Variants in SETBP1 observed in about 807,000 individuals in gnomAD.
SETBP1 encodes SET binding protein 1, also known as SET-binding protein.
A neutral mutation model predicts 101.0 loss-of-function variants in SETBP1; 9 were observed. The observed-to-expected ratio is 0.09, with a 90% CI of 0.05 to 0.16. SETBP1 has a LOEUF of 0.16. Ranked by LOEUF, SETBP1 falls within the 10% of genes least tolerant of loss-of-function variation. The pLI is 1.00. For synonymous variants in SETBP1, 818 were observed against 788.5 expected, an observed-to-expected ratio of 1.04 and a Z score of -0.63; for missense variants, 1,858 against 2,033.8, an observed-to-expected ratio of 0.91 and a Z score of 1.66.
At position 44,950,009 on chromosome 18, in the gene SETBP1, C is replaced by A; in HGVS notation, c.669C>A (p.Ser223=). Residue 223 remains serine (S), a synonymous_variant, in exon 4 of 6, where the codon TCC becomes TCA. Coordinates refer to ENST00000649279, the MANE Select transcript of SETBP1 (RefSeq NM_015559.3). The stretch of plus-strand genomic sequence containing the variant: ...GCAGCCAGAACCACATGGACTGGTC[C>A]ACCAACTCTGACAGCGGACCCGTCA... ...KSSSQNHMDW[S]TNSDSGPVTQ... 1 of 1,614,170 alleles carries A rather than the reference C, an allele frequency of 6.2e-7. No individual in the cohort carries two copies. Among genetic ancestry groups the A allele is most frequent in the Non-Finnish European group, 8.5e-7 (1 of 1,180,012 alleles).
At chr18:44,949,836 T>TTC in intron 3 of SETBP1, 45 bp from the exon 4 acceptor site, 2 of 1,451,954 alleles carry the variant, frequency 1.4e-6, no homozygotes, top group South Asian at 1.1e-5. Flanking sequence ...TCATCTTTGT[T>TTC]TCTCTCTCTC....
At chr18:44,805,791 G>A (rs1337281107) in intron 2 of SETBP1, among the ~76,000 whole-genome samples, 1 of 152,024 alleles carries the variant, frequency 6.6e-6, no homozygotes, top group Non-Finnish European at 1.5e-5. Flanking sequence ...CTTTGGTTTG[G>A]GCATCCAAAG....
chr18:45,013,152 T>A (rs2072873453), intron 4 of SETBP1, among the ~76,000 whole-genome samples: 1 of 152,118 alleles, frequency 6.6e-6, no homozygotes, highest in Non-Finnish European at 1.5e-5. Context: ...GGATGCTGAG[T>A]CTGTGCCAGC....
chr18:44,985,582 T>C (rs1219900431), intron 4 of SETBP1, among the ~76,000 whole-genome samples: 1 of 152,218 alleles, frequency 6.6e-6, no homozygotes, highest in Non-Finnish European at 1.5e-5. Flanking sequence ...GTTACTTGAG[T>C]AATGATTCTT....
chr18:44,902,832 A>G (rs1330266250), intron 3 of SETBP1, among the ~76,000 whole-genome samples: 5 of 152,158 alleles, frequency 3.3e-5, no homozygotes, highest in Non-Finnish European at 7.3e-5. Context: ...AAATGAAAAT[A>G]TGGATCTCAA....
At chr18:44,730,119 T>A (rs1457866485) in intron 2 of SETBP1, among the ~76,000 whole-genome samples, 1 of 152,228 alleles carries the variant, frequency 6.6e-6, no homozygotes, top group Non-Finnish European at 1.5e-5. Context: ...GCCCTTGTTA[T>A]ATGGGTAGCA....
chr18:44,861,224 C>CTTTTTT, intron 2 of SETBP1, among the ~76,000 whole-genome samples: 1 of 105,928 alleles, frequency 9.4e-6, no homozygotes, highest in Non-Finnish European at 2.0e-5. Context: ...TTTCCTTTTT[C>CTTTTTT]TTTTCTTTTT....
At chr18:44,906,654 T>C (rs1017699642) in intron 3 of SETBP1, among the ~76,000 whole-genome samples, 4 of 152,140 alleles carry the variant, frequency 2.6e-5, no homozygotes, top group African/African-American at 9.7e-5. Flanking sequence ...CTGGAAGGTA[T>C]ATTAAATGAC....
chr18:44,862,509 G>A lies in SETBP1; in HGVS notation c.487-6721G>A, dbSNP rs529951839. Among the ~76,000 whole-genome samples the A allele has an allele frequency of 3.3e-5, 5 of 152,244 alleles. No homozygotes were observed. The South Asian group carries it at 6.2e-4, about 19-fold the overall frequency. ...CACCCCCGCGGTCTCTACACTACCC[G>A]TCCACTGCCACCCCCACCCCAATGC... On this transcript the variant is annotated intron_variant, in intron 2 of 5. Transcript: ENST00000649279.
chr18:44,932,403 G>C (rs1715654508), intron 3 of SETBP1, among the ~76,000 whole-genome samples: 1 of 152,296 alleles, frequency 6.6e-6, no homozygotes, highest in South Asian at 2.1e-4. Flanking sequence ...AGGTGAATCT[G>C]ACAATTATGT....
intron 2 of SETBP1, among the ~76,000 whole-genome samples, chr18:44,708,734 CAAAAAAAAGA>C (rs1423970375): frequency 1.1e-3 from 86 of 78,552 alleles, no homozygotes; most frequent in African/African-American, 1.4e-3. Flanking sequence ...TCTACATGTT[CAAAAAAAAGA>C]AAAGAAAAGA....
chr18:44,772,657 T>C (rs2070899723), intron 2 of SETBP1, among the ~76,000 whole-genome samples: 1 of 152,220 alleles, frequency 6.6e-6, no homozygotes, highest in South Asian at 2.1e-4. Context: ...CTTTGAGCTT[T>C]GCACTTGGAC....
intron 4 of SETBP1, among the ~76,000 whole-genome samples, chr18:45,001,836 C>G (rs983001947): frequency 6.6e-6 from 1 of 152,100 alleles, no homozygotes; most frequent in Non-Finnish European, 1.5e-5. Context: ...CCTTCATGCT[C>G]GGTTAACTCA....
At chr18:45,009,605 T>C (rs763545214) in intron 4 of SETBP1, among the ~76,000 whole-genome samples, 5 of 152,096 alleles carry the variant, frequency 3.3e-5, no homozygotes, top group Non-Finnish European at 5.9e-5. Context: ...AGGAGGGCAT[T>C]GCTTCTGGCC....
chr18:44,738,374 G>T (rs1171488978), intron 2 of SETBP1, among the ~76,000 whole-genome samples: 1 of 152,108 alleles, frequency 6.6e-6, no homozygotes, highest in African/African-American at 2.4e-5. Flanking sequence ...GAGCTCCATA[G>T]CCCTGAAAGA....
intron 2 of SETBP1, among the ~76,000 whole-genome samples, chr18:44,727,025 T>C (rs1436820133): frequency 6.6e-6 from 1 of 152,334 alleles, no homozygotes; most frequent in East Asian, 1.9e-4. Flanking sequence ...TTTTTATTTT[T>C]TTTAACACTA....
chr18:44,861,771 G>T (rs1462648557), intron 2 of SETBP1, among the ~76,000 whole-genome samples: 1 of 152,128 alleles, frequency 6.6e-6, no homozygotes, highest in Non-Finnish European at 1.5e-5. Context: ...GTTTCTACCA[G>T]ATTTACCTAT....
intron 4 of SETBP1, among the ~76,000 whole-genome samples, chr18:44,985,261 A>T (rs2072206912): frequency 6.6e-6 from 1 of 152,178 alleles, no homozygotes; most frequent in Non-Finnish European, 1.5e-5. Context: ...TAAAAAAAAA[A>T]GTTTACTTGC....
intron 2 of SETBP1, among the ~76,000 whole-genome samples, chr18:44,725,993 G>A (rs1471046319): frequency 6.6e-6 from 1 of 152,170 alleles, no homozygotes; most frequent in Non-Finnish European, 1.5e-5. Flanking sequence ...GCATCTCCTG[G>A]CTCTCTGGTG....
Sources: allele counts gnomAD v4.1 joint callset (sites outside exome capture counted in the v4.1 genomes callset), GRCh38; gene constraint gnomAD v4.1.1; transcripts MANE v1.5; gene names NCBI Gene and HGNC (gene_info 2026-07-23, HGNC 2026-07-21).